CNST: variants seen among roughly 807,000 people sequenced by gnomAD.
CNST encodes consortin, connexin sorting protein.
Under a neutral mutation model 72.4 loss-of-function variants are expected in CNST, and 39 were observed. The ratio of observed to expected loss-of-function variants is 0.54; its 90% CI spans 0.42 to 0.70. The LOEUF is 0.70. CNST is among the 30% of genes least tolerant of loss of function. The probability of loss-of-function intolerance (pLI) is 0.00; values close to 1 mark genes in which losing one functional copy is unlikely to be tolerated. For synonymous variants in CNST, 332 were observed against 320.1 expected (o/e 1.04, Z -0.40); for missense variants, 871 against 868.5 (o/e 1.00, Z -0.04).
intron 2 of CNST, chr1:246,607,813 C>G (rs375941626): frequency 2.0e-5 from 3 of 152,330 alleles, no homozygotes; most frequent in South Asian, 2.1e-4. Flanking sequence ...CGGGGAGAAT[C>G]TTTCAACGCT....
chr1:246,607,678 A>AT (rs11380288), intron 2 of CNST: 132,402 of 152,124 alleles, frequency 0.87, 57,679 homozygotes, highest in African/African-American at 0.91. Context: ...CCTCAGGAGT[A>AT]ATGTCTTCCG....
intron 2 of CNST, among the ~76,000 whole-genome samples, chr1:246,600,683 A>G (rs964188712): frequency 3.9e-5 from 6 of 152,320 alleles, no homozygotes; most frequent in Admixed American, 6.5e-5. Flanking sequence ...GAATACAGGG[A>G]GAGAAAGAGC....
chr1:246,592,658 C>T (rs144214443), intron 2 of CNST, among the ~76,000 whole-genome samples: 29 of 152,308 alleles, frequency 1.9e-4, no homozygotes, highest in African/African-American at 7.0e-4. Context: ...GATCCCTAAC[C>T]TGTGAGTTTA....
chr1:246,634,063 T>G (rs889916592), intron 5 of CNST, 53 bp downstream of exon 5: 2 of 1,111,408 alleles, frequency 1.8e-6, no homozygotes, highest in African/African-American at 3.1e-5. Flanking sequence ...AACAAGTCAC[T>G]ATCTACAAAA....
chr1:246,591,974 T>G (rs749905586), intron 2 of CNST, 33 bp downstream of exon 2: 2 of 1,518,656 alleles, frequency 1.3e-6, no homozygotes, highest in Middle Eastern at 1.8e-4. Flanking sequence ...TCCTCTTCTT[T>G]AATTAATTAA....
At position 246,647,567 on chromosome 1, in the gene CNST, C is replaced by G. The variant is rs138601223; in HGVS notation, c.1366C>G (p.Gln456Glu). The G allele has an allele frequency of 1.8e-4, 288 of 1,614,176 alleles. 2 individuals carry two copies. The African/African-American group carries it at 3.0e-3, about 17-fold the overall frequency. The stretch of plus-strand genomic sequence containing the variant: ...TTCTGAGGGTAAATATTCACAGGCT[C>G]AGAGGAAAGAACTCCGTTTGCCACT... ...LISEGKYSQA[Q>E]RKELRLPLRD... Residue 456 changes from glutamine to glutamate, a missense_variant, in exon 9 of 11, where the codon CAG becomes GAG. By Grantham distance (29) the Gln-to-Glu change is conservative. Transcript: ENST00000366513.
At chr1:246,614,523 T>C (rs2103066129) in intron 2 of CNST, among the ~76,000 whole-genome samples, 1 of 152,080 alleles carries the variant, frequency 6.6e-6, no homozygotes, top group East Asian at 1.9e-4. Context: ...TTTTTTTTTT[T>C]TTTTTTGGAG....
intron 3 of CNST, among the ~76,000 whole-genome samples, chr1:246,628,367 G>A (rs191127560): frequency 5.9e-5 from 9 of 152,278 alleles, no homozygotes; most frequent in Admixed American, 5.9e-4. Flanking sequence ...ACCATTAACA[G>A]AAATAAGGTA....
At chr1:246,638,909 A>G (rs1665489415) in intron 6 of CNST, among the ~76,000 whole-genome samples, 1 of 152,180 alleles carries the variant, frequency 6.6e-6, no homozygotes, top group South Asian at 2.1e-4. Context: ...GTTTCTATGA[A>G]TAGAGCATAC....
intron 2 of CNST, among the ~76,000 whole-genome samples, chr1:246,610,673 T>A (rs749853154): frequency 3.3e-5 from 5 of 152,196 alleles, no homozygotes; most frequent in African/African-American, 4.8e-5. Flanking sequence ...TCTTTCAGAT[T>A]GGCTCTGTGC....
chr1:246,580,372 A>G (rs1438412351), intron 1 of CNST, among the ~76,000 whole-genome samples: 1 of 152,178 alleles, frequency 6.6e-6, no homozygotes, highest in African/African-American at 2.4e-5. Flanking sequence ...TCTAAAAATA[A>G]TCCCTAATCA....
chr1:246,569,713 C>A (rs1286767785), intron 1 of CNST, among the ~76,000 whole-genome samples: 1 of 152,202 alleles, frequency 6.6e-6, no homozygotes, highest in Non-Finnish European at 1.5e-5. Flanking sequence ...ACAGGCGTAG[C>A]CACCATGCCC....
Position 246,665,687 on chromosome 1 carries a change from C to G in CNST, c.1973-13C>G, listed in dbSNP as rs777911375. The G allele has an allele frequency of 6.2e-7, 1 of 1,609,688 alleles. No homozygotes were observed. Among genetic ancestry groups the G allele is most frequent in the Non-Finnish European group, 8.5e-7 (1 of 1,177,678 alleles). Reference sequence around the variant, plus strand: ...CGGTGACAATGTAACCTCACTCTTTCTCATGTTTGCAGATGAAGTTGGAGG... The same window carrying G: ...CGGTGACAATGTAACCTCACTCTTTGTCATGTTTGCAGATGAAGTTGGAGG... On this transcript the variant is annotated splice_polypyrimidine_tract_variant and intron_variant, in intron 10 of 10. Transcript: ENST00000366513.
chr1:246,635,896 G>C (rs996176468), intron 6 of CNST, among the ~76,000 whole-genome samples: 1 of 152,144 alleles, frequency 6.6e-6, no homozygotes, highest in African/African-American at 2.4e-5. Flanking sequence ...ATCATACGCA[G>C]GGACTCCGAG....
intron 6 of CNST, among the ~76,000 whole-genome samples, chr1:246,635,806 C>T (rs1408845411): frequency 1.6e-4 from 25 of 152,008 alleles, no homozygotes; most frequent in African/African-American, 4.1e-4. Context: ...CCGTAATATT[C>T]GATGATCCAT....
rs903458811 is a variant in CNST, at chr1:246,665,958, T to C, written c.*53T>C. The C allele has an allele frequency of 1.2e-5, 16 of 1,317,226 alleles. No individual in the cohort carries two copies. In the African/African-American group the frequency reaches 2.3e-4, roughly 19 times the overall value. 81.6% of individuals were successfully genotyped at this position (1,317,226 alleles called of 1,614,324 possible). ...AGTGAGAGTGAAAGGCGGGAGACTT[T>C]CTAAACAGTTTTTCTTTCAGGAATT... On this transcript the variant is annotated 3_prime_UTR_variant, in exon 11 of 11. Transcript: ENST00000366513.
chr1:246,639,459 G>T (rs538233408), intron 6 of CNST, among the ~76,000 whole-genome samples: 1 of 152,210 alleles, frequency 6.6e-6, no homozygotes, highest in Admixed American at 6.5e-5. Context: ...GTGTGCGGTC[G>T]GTTGTGAGCC....
intron 8 of CNST, among the ~76,000 whole-genome samples, chr1:246,645,717 G>A (rs12092872): frequency 0.014 from 2,095 of 152,000 alleles, 51 homozygotes; most frequent in African/African-American, 0.047. Context: ...TTGAGCCACC[G>A]CGCCCGGCCA....
At chr1:246,610,275 C>T (rs778831416) in intron 2 of CNST, among the ~76,000 whole-genome samples, 2 of 151,750 alleles carry the variant, frequency 1.3e-5, no homozygotes, top group African/African-American at 2.4e-5. Context: ...AGCGAGACTC[C>T]GTCGCAAAAA....
Sources: gnomAD v4.1 joint callset for allele counts (sites outside exome capture counted in the v4.1 genomes callset) on GRCh38, gnomAD v4.1.1 for gene constraint, MANE v1.5 for transcripts, NCBI Gene and HGNC (gene_info 2026-07-23, HGNC 2026-07-21) for gene names.